Variants in DIAPH3 observed in about 807,000 individuals in gnomAD.
The protein encoded by DIAPH3 is protein diaphanous homolog 3.
In DIAPH3, 117 loss-of-function variants were observed where a neutral mutation model predicts 144.3. The ratio of observed to expected loss-of-function variants is 0.81; its 90% CI spans 0.70 to 0.95. DIAPH3 has a LOEUF of 0.95. Among genes scored for constraint, DIAPH3 ranks in the 40% least tolerant of loss-of-function variants. The pLI, the probability that DIAPH3 is intolerant of heterozygous loss-of-function variation, is 0.00. For missense variants in DIAPH3, 1,421 were observed against 1,412.7 expected (o/e 1.01, Z -0.09); for synonymous variants, 519 against 488.9 (o/e 1.06, Z -0.81).
intron 10 of DIAPH3, 124 bp downstream of exon 10, chr13:59,992,349 T>C (rs2051879583): frequency 9.2e-7 from 1 of 1,081,988 alleles, no homozygotes; most frequent in Non-Finnish European, 1.3e-6. Flanking sequence ...ATTTCAAAAA[T>C]AGATTTTTTA....
chr13:59,998,146 T>C (rs2140874867), intron 9 of DIAPH3, among the ~76,000 whole-genome samples: 1 of 152,212 alleles, frequency 6.6e-6, no homozygotes, highest in Admixed American at 6.5e-5. Context: ...TTTATACACA[T>C]GCATTGAAGT....
At position 60,099,687 on chromosome 13, in the gene DIAPH3, G is replaced by T. The variant is rs145590142; in HGVS notation, c.391-5955C>A. 2.3e-3 allele frequency among the ~76,000 whole-genome samples: 349 copies of T among 152,160 alleles called. 3 individuals carry two copies. The highest frequency in any genetic ancestry group is 8.1e-3 in the African/African-American group (336 of 41,482). The stretch of plus-strand genomic sequence containing the variant: ...TCGGCTTGCCAGGGGAAACCGAGTT[G>T]CAACAGCAAAAAAAATAGTTTCCCT... On this transcript the variant is annotated intron_variant, in intron 3 of 27. Transcript: ENST00000400324.
chr13:60,039,855 A>C (rs900292846), intron 5 of DIAPH3, among the ~76,000 whole-genome samples: 1 of 152,128 alleles, frequency 6.6e-6, no homozygotes, highest in Non-Finnish European at 1.5e-5. Flanking sequence ...AAAGTCCAAA[A>C]ATTTGATCAC....
intron 27 of DIAPH3, among the ~76,000 whole-genome samples, chr13:59,669,250 T>C (rs1339807914): frequency 6.6e-6 from 1 of 152,170 alleles, no homozygotes; most frequent in Non-Finnish European, 1.5e-5. Flanking sequence ...TATCCTCCAT[T>C]TCTTTCCTGG....
At chr13:60,150,314 C>T (rs1160701504) in intron 1 of DIAPH3, among the ~76,000 whole-genome samples, 1 of 151,914 alleles carries the variant, frequency 6.6e-6, no homozygotes, top group Non-Finnish European at 1.5e-5. Context: ...CATGAGCCAC[C>T]GCGCCTGGCC....
At chr13:59,982,551 A>G (rs1191527521) in intron 13 of DIAPH3, among the ~76,000 whole-genome samples, 3 of 151,600 alleles carry the variant, frequency 2.0e-5, no homozygotes, top group Non-Finnish European at 4.4e-5. Flanking sequence ...GAAAAGAAAC[A>G]TAACCCTGCA....
rs184367434 is a variant in DIAPH3 at position 59,879,612 on chromosome 13, G to A, written c.2368-144C>T. The A allele has an allele frequency of 5.2e-5, 62 of 1,190,052 alleles. No individual in the cohort carries two copies. In the East Asian group the frequency reaches 1.6e-3, roughly 30 times the overall value. The allele number at this position is 1,190,052 out of a possible 1,614,324, so 73.7% of individuals were successfully genotyped here. On this transcript the variant is annotated intron_variant, in intron 20 of 27. Coordinates refer to ENST00000400324, the MANE Select transcript of DIAPH3 (RefSeq NM_001042517.2). Reference sequence around the variant, plus strand: ...TCCTAAAACTGATAGCAGGAAGAGAGAAAAGCCCTGCTTGTTTTTGTAAGG... The same window carrying A: ...TCCTAAAACTGATAGCAGGAAGAGAAAAAAGCCCTGCTTGTTTTTGTAAGG...
intron 27 of DIAPH3, among the ~76,000 whole-genome samples, chr13:59,727,034 TTAA>T (rs2035634800): frequency 6.6e-6 from 1 of 152,180 alleles, no homozygotes; most frequent in African/African-American, 2.4e-5. Context: ...TCTTTTTACA[TTAA>T]TGTTTTTTTC....
intron 4 of DIAPH3, among the ~76,000 whole-genome samples, chr13:60,081,195 T>C (rs1433335539): frequency 2.6e-5 from 4 of 151,940 alleles, no homozygotes; most frequent in Admixed American, 2.6e-4. Flanking sequence ...CAACTATCAA[T>C]GGGATTCAGA....
chr13:60,004,039 TCTC>T (rs2052702550), intron 9 of DIAPH3, among the ~76,000 whole-genome samples: 2 of 152,094 alleles, frequency 1.3e-5, no homozygotes, highest in Non-Finnish European at 1.5e-5. Flanking sequence ...AAGTAACAAT[TCTC>T]CTTATTCTCC....
At chr13:59,699,168 G>A (rs2033971160) in intron 27 of DIAPH3, among the ~76,000 whole-genome samples, 1 of 152,156 alleles carries the variant, frequency 6.6e-6, no homozygotes, top group South Asian at 2.1e-4. Flanking sequence ...TCAGTACATT[G>A]GAGAAAAAGG....
chr13:59,731,797 C>T (rs2035904401), intron 27 of DIAPH3, among the ~76,000 whole-genome samples: 1 of 152,114 alleles, frequency 6.6e-6, no homozygotes, highest in Admixed American at 6.6e-5. Context: ...CTTAGCTTTT[C>T]ACAGCTGAAA....
chr13:59,956,319 C>G (rs530999336), intron 17 of DIAPH3, among the ~76,000 whole-genome samples: 1 of 152,296 alleles, frequency 6.6e-6, no homozygotes, highest in Non-Finnish European at 1.5e-5. Flanking sequence ...GTAGGCGGGC[C>G]AGGGCCTTGC....
intron 25 of DIAPH3, among the ~76,000 whole-genome samples, chr13:59,805,653 T>A (rs1404951687): frequency 2.6e-5 from 4 of 151,850 alleles, no homozygotes; most frequent in African/African-American, 9.7e-5. Context: ...ACTGTGTATG[T>A]GAATATTTAA....
intron 13 of DIAPH3, among the ~76,000 whole-genome samples, chr13:59,981,916 C>G (rs996139273): frequency 6.6e-6 from 1 of 151,420 alleles, no homozygotes; most frequent in Non-Finnish European, 1.5e-5. Context: ...TATTTGTTCT[C>G]TAATCCTAAT....
chr13:59,998,012 G>A (rs555322155), intron 9 of DIAPH3, among the ~76,000 whole-genome samples: 3 of 152,224 alleles, frequency 2.0e-5, no homozygotes, highest in African/African-American at 7.2e-5. Flanking sequence ...CCCCATAGCA[G>A]AAATCATCTG....
chr13:59,704,252 T>C (rs1328806138), intron 27 of DIAPH3, among the ~76,000 whole-genome samples: 3 of 152,228 alleles, frequency 2.0e-5, no homozygotes, highest in Admixed American at 6.5e-5. Flanking sequence ...GGCTGGCTTC[T>C]TGTCCCAAAG....
At chr13:59,950,862 T>C (rs1000142578) in intron 17 of DIAPH3, among the ~76,000 whole-genome samples, 1 of 152,110 alleles carries the variant, frequency 6.6e-6, no homozygotes, top group African/African-American at 2.4e-5. Context: ...TCTAGCAGTA[T>C]AAACACTGCT....
At chr13:59,729,182 G>A (rs1354916251) in intron 27 of DIAPH3, among the ~76,000 whole-genome samples, 1 of 152,142 alleles carries the variant, frequency 6.6e-6, no homozygotes, top group Admixed American at 6.6e-5. Context: ...TATAGTCAGT[G>A]GACTGGGTCA....
Sources: allele counts gnomAD v4.1 joint callset (sites outside exome capture counted in the v4.1 genomes callset), GRCh38; gene constraint gnomAD v4.1.1; transcripts MANE v1.5; gene names NCBI Gene and HGNC (gene_info 2026-07-23, HGNC 2026-07-21).